MMP16: variants seen among roughly 807,000 people sequenced by gnomAD.
MMP16 encodes matrix metallopeptidase 16.
Under a neutral mutation model 67.8 loss-of-function variants are expected in MMP16, and 12 were observed. The ratio of observed to expected loss-of-function variants is 0.18; its 90% confidence interval spans 0.11 to 0.29. MMP16 has a LOEUF of 0.29. Among genes scored for constraint, MMP16 ranks in the 10% least tolerant of loss-of-function variants. The probability of loss-of-function intolerance (pLI) is 1.00; values close to 1 mark genes in which losing one functional copy is unlikely to be tolerated. For synonymous variants in MMP16, 249 were observed against 255.9 expected, an observed-to-expected ratio of 0.97 and a Z score of 0.26; for missense variants, 475 against 765.7, an observed-to-expected ratio of 0.62 and a Z score of 4.48.
At chr8:88,087,272 T>A (rs909342285) in intron 6 of MMP16, among the ~76,000 whole-genome samples, 3 of 151,950 alleles carry the variant, frequency 2.0e-5, no homozygotes, top group African/African-American at 4.8e-5. Flanking sequence ...CATCATACTT[T>A]GCTTTCTCTC....
chr8:88,199,193 C>T (rs913341161), intron 1 of MMP16, among the ~76,000 whole-genome samples: 1 of 152,002 alleles, frequency 6.6e-6, no homozygotes, highest in Non-Finnish European at 1.5e-5. Flanking sequence ...AAGAGAAAAC[C>T]ATTAACAATA....
intron 1 of MMP16, among the ~76,000 whole-genome samples, chr8:88,319,608 C>T (rs188396333): frequency 2.8e-4 from 43 of 152,206 alleles, no homozygotes; most frequent in Admixed American, 2.6e-4. Flanking sequence ...AAAGTTCCCA[C>T]GGAAAAATGC....
chr8:88,263,252 A>T (rs2129953883), intron 1 of MMP16, among the ~76,000 whole-genome samples: 1 of 152,222 alleles, frequency 6.6e-6, no homozygotes, highest in East Asian at 1.9e-4. Flanking sequence ...CCTAAAAAAA[A>T]AATTCAATTT....
chr8:88,238,016 G>A (rs558780302), intron 1 of MMP16, among the ~76,000 whole-genome samples: 2 of 152,244 alleles, frequency 1.3e-5, no homozygotes, highest in South Asian at 2.1e-4. Flanking sequence ...CTCCAGCCTT[G>A]CAAAGAAAAA....
chr8:88,295,412 G>A (rs965762808), intron 1 of MMP16, among the ~76,000 whole-genome samples: 1 of 152,134 alleles, frequency 6.6e-6, no homozygotes, highest in African/African-American at 2.4e-5. Flanking sequence ...ATTAGCAGCA[G>A]CAATACACAA....
rs553208942 is a variant in MMP16, at chr8:88,137,061, A to C, written c.710-18200T>G. ...GAACAATTGAATAATTGTTATCATC[A>C]ATATTTTTATTAGCTATTCTGGTGG... On this transcript the variant is annotated intron_variant, in intron 4 of 9. Coordinates refer to ENST00000286614, the MANE Select transcript of MMP16 (RefSeq NM_005941.5). Among the ~76,000 whole-genome samples the C allele has an allele frequency of 7.9e-5, 12 of 151,972 alleles. No individual in the cohort carries two copies. The East Asian group carries it at 2.3e-3, about 30-fold the overall frequency.
chr8:88,182,271 C>T (rs1271729553), intron 3 of MMP16, among the ~76,000 whole-genome samples: 1 of 151,978 alleles, frequency 6.6e-6, no homozygotes, highest in African/African-American at 2.4e-5. Context: ...GACTAATATA[C>T]ACAATATACA....
At chr8:88,292,367 G>A (rs774676291) in intron 1 of MMP16, among the ~76,000 whole-genome samples, 5 of 152,092 alleles carry the variant, frequency 3.3e-5, no homozygotes, top group South Asian at 2.1e-4. Context: ...TACAAATACC[G>A]CATTCAACTT....
chr8:88,217,923 A>G (rs553432403), intron 1 of MMP16, among the ~76,000 whole-genome samples: 51 of 152,146 alleles, frequency 3.4e-4, no homozygotes, highest in Middle Eastern at 3.4e-3. Flanking sequence ...TTGTTTCTCA[A>G]TTTCCATCAC....
At chr8:88,265,042 T>C (rs1810452857) in intron 1 of MMP16, among the ~76,000 whole-genome samples, 1 of 152,084 alleles carries the variant, frequency 6.6e-6, no homozygotes, top group Non-Finnish European at 1.5e-5. Context: ...CCTGAGAAAA[T>C]GAGCTGATCA....
chr8:88,264,904 G>A (rs370320892), intron 1 of MMP16, among the ~76,000 whole-genome samples: 3 of 152,182 alleles, frequency 2.0e-5, no homozygotes, highest in Non-Finnish European at 4.4e-5. Flanking sequence ...CTATGCTAAC[G>A]TTTCAGACAC....
chr8:88,111,121 A>C (rs1258431467), intron 6 of MMP16, among the ~76,000 whole-genome samples: 1 of 151,706 alleles, frequency 6.6e-6, no homozygotes, highest in Non-Finnish European at 1.5e-5. Context: ...TCTTATCCAA[A>C]TGTAAAGAAA....
intron 1 of MMP16, among the ~76,000 whole-genome samples, chr8:88,283,870 C>A (rs1180222970): frequency 6.6e-6 from 1 of 152,198 alleles, no homozygotes; most frequent in African/African-American, 2.4e-5. Context: ...GACTACACAA[C>A]ATCATTACCC....
chr8:88,311,536 A>G (rs1172077305), intron 1 of MMP16, among the ~76,000 whole-genome samples: 2 of 152,186 alleles, frequency 1.3e-5, no homozygotes, highest in African/African-American at 4.8e-5. Context: ...GATCTAAAAC[A>G]ATGCCACCTT....
Position 88,198,829 on chromosome 8 carries a change from G to T in MMP16, c.133-1523C>A, listed in dbSNP as rs993061684. On this transcript the variant is annotated intron_variant, in intron 1 of 9. Transcript: ENST00000286614. ...CTCATGTACCATATAGTAAAAGCAT[G>T]CCAAGACACTCTTCTCATCTAATCT... Among the ~76,000 whole-genome samples the T allele has an allele frequency of 2.6e-5, 4 of 151,982 alleles. No homozygotes were observed. In the East Asian group the frequency reaches 7.7e-4, roughly 29 times the overall value.
chr8:88,241,203 T>G (rs1810028445), intron 1 of MMP16, among the ~76,000 whole-genome samples: 1 of 152,102 alleles, frequency 6.6e-6, no homozygotes, highest in South Asian at 2.1e-4. Flanking sequence ...CATGCATTCA[T>G]ATGTAGTGAT....
At chr8:88,281,544 C>A (rs755290889) in intron 1 of MMP16, among the ~76,000 whole-genome samples, 3 of 152,178 alleles carry the variant, frequency 2.0e-5, no homozygotes, top group Non-Finnish European at 4.4e-5. Flanking sequence ...AAATTAAAAT[C>A]CAGGCCTAAT....
At chr8:88,071,299 C>T (rs1808549375) in intron 7 of MMP16, among the ~76,000 whole-genome samples, 2 of 152,014 alleles carry the variant, frequency 1.3e-5, no homozygotes, top group African/African-American at 2.4e-5. Context: ...GTTGAATCCA[C>T]ATCTTCAAAT....
intron 1 of MMP16, among the ~76,000 whole-genome samples, chr8:88,299,370 C>T (rs897122491): frequency 2.0e-4 from 31 of 152,082 alleles, no homozygotes; most frequent in African/African-American, 7.0e-4. Context: ...ATGCTAGCAT[C>T]GTATCTCTTT....
Sources: allele counts gnomAD v4.1 joint callset (sites outside exome capture counted in the v4.1 genomes callset), GRCh38; gene constraint gnomAD v4.1.1; transcripts MANE v1.5; gene names NCBI Gene and HGNC (gene_info 2026-07-23, HGNC 2026-07-21).